The following CEACAM20 variants were observed in gnomAD, a reference collection of about 807,000 sequenced individuals.
CEACAM20 encodes CEA cell adhesion molecule 20, also known as cell adhesion molecule CEACAM20.
A neutral mutation model predicts 61.2 loss-of-function variants in CEACAM20; 50 were observed. The observed-to-expected ratio is 0.82, with a 90% CI of 0.65 to 1.03. The LOEUF is 1.03. Ranked by LOEUF, CEACAM20 falls within the 50% of genes least tolerant of loss-of-function variation. The pLI is 0.00. For missense variants in CEACAM20, 683 were observed against 736.4 expected, an observed-to-expected ratio of 0.93 and a Z score of 0.84; for synonymous variants, 282 against 287.7, an observed-to-expected ratio of 0.98 and a Z score of 0.20.
At position 44,520,657 on chromosome 19, in the gene CEACAM20, C is replaced by T; in HGVS notation, c.847G>A (p.Val283Met). 1 of 1,614,028 alleles carries T rather than the reference C, an allele frequency of 6.2e-7. No individual in the cohort carries two copies. Among genetic ancestry groups the T allele is most frequent in the Non-Finnish European group, 8.5e-7 (1 of 1,179,896 alleles). The change falls in exon 5 of 12, where the codon GTG (valine) becomes ATG (methionine). Residue 283 changes from valine (V) to methionine (M), a missense_variant. Coordinates refer to ENST00000614924, the MANE Select transcript of CEACAM20 (RefSeq NM_001102597.3). ...CCACTTAGGAACCACTGGACATTCA[C>T]ACTCTGATTGACGGTTTGGCAGGTC... Reference protein sequence around the residue: ...DLTCQTVNQSVNVQWFLSGQP... With the variant: ...DLTCQTVNQSMNVQWFLSGQP...
intron 1 of CEACAM20, among the ~76,000 whole-genome samples, chr19:44,527,112 T>C (rs879285609): frequency 2.0e-5 from 3 of 152,156 alleles, no homozygotes; most frequent in Non-Finnish European, 4.4e-5. Context: ...AGCCCTACTA[T>C]CATGGGTAAG....
In CEACAM20 at chr19:44,527,161, A is replaced by T. The variant is rs139075043; in HGVS notation, c.53-1917T>A. Among the ~76,000 whole-genome samples, 418 of 152,308 alleles carry T rather than the reference A, an allele frequency of 2.7e-3. 1 individual carries two copies. The highest frequency in any genetic ancestry group is 9.1e-3 in the African/African-American group (378 of 41,578). On this transcript the variant is annotated intron_variant, in intron 1 of 11. Transcript: ENST00000614924. ...GTGAGCCTCAGTTTCTTCCACTGAAAAATGGAGATAATAGTAGAACTCAGC... is the reference window on the plus strand; with the variant it reads ...GTGAGCCTCAGTTTCTTCCACTGAATAATGGAGATAATAGTAGAACTCAGC...
At chr19:44,526,689 A>G (rs1409441489) in intron 1 of CEACAM20, among the ~76,000 whole-genome samples, 2 of 152,050 alleles carry the variant, frequency 1.3e-5, no homozygotes, top group Non-Finnish European at 2.9e-5. Context: ...CCTGGTCAAC[A>G]TGGTGAAACC....
intron 5 of CEACAM20, among the ~76,000 whole-genome samples, chr19:44,518,144 AAGGAAGGAAGGAAGGAAGGAAGG>A (rs1555743477): frequency 0.036 from 3,600 of 100,944 alleles, 198 homozygotes; most frequent in Non-Finnish European, 0.045. Flanking sequence ...GGAAGGAAGG[AAGGAAGGAAGGAAGGAAGGAAGG>A]AAGAAAGCAG....
At chr19:44,516,800 G>T in intron 6 of CEACAM20, 146 bp downstream of exon 6, 1 of 833,592 alleles carries the variant, frequency 1.2e-6, no homozygotes, top group Non-Finnish European at 1.9e-6. Context: ...TAGGGGTTGG[G>T]ATTCAACAGC....
chr19:44,528,030 G>GTTTCTGAATCTAT (rs1971579179), intron 1 of CEACAM20, among the ~76,000 whole-genome samples: 2 of 151,750 alleles, frequency 1.3e-5, no homozygotes, highest in South Asian at 4.2e-4. Flanking sequence ...CTCTCCCCGC[G>GTTTCTGAATCTAT]TTTCTGAATC....
intron 1 of CEACAM20, 62 bp downstream of exon 1, chr19:44,529,390 ACACACC>A: frequency 8.2e-7 from 1 of 1,223,892 alleles, no homozygotes. Flanking sequence ...ACACACACAC[ACACACC>A]GCTGACAAAT....
At chr19:44,507,574 A>G (rs1266577430) in intron 11 of CEACAM20, among the ~76,000 whole-genome samples, 1 of 152,240 alleles carries the variant, frequency 6.6e-6, no homozygotes, top group Admixed American at 6.5e-5. Context: ...ATAAGAGAGA[A>G]ACAGCTTCTT....
chr19:44,516,412 G>A (rs1408947975), intron 6 of CEACAM20, among the ~76,000 whole-genome samples: 1 of 152,324 alleles, frequency 6.6e-6, no homozygotes, highest in Non-Finnish European at 1.5e-5. Flanking sequence ...CCTGGTGGGA[G>A]ATAATTGAAT....
chr19:44,526,569 A>G (rs1971534902), intron 1 of CEACAM20, among the ~76,000 whole-genome samples: 1 of 151,492 alleles, frequency 6.6e-6, no homozygotes, highest in South Asian at 2.1e-4. Context: ...TCTGCACACC[A>G]CTACGGGGGC....
chr19:44,526,993 G>A (rs1971549933), intron 1 of CEACAM20, among the ~76,000 whole-genome samples: 2 of 152,026 alleles, frequency 1.3e-5, no homozygotes, highest in African/African-American at 2.4e-5. Context: ...CAGACCCTCT[G>A]CACTTCTCAA....
At chr19:44,506,647 G>T (rs1481911758) in intron 11 of CEACAM20, among the ~76,000 whole-genome samples, 2 of 152,230 alleles carry the variant, frequency 1.3e-5, no homozygotes, top group Non-Finnish European at 1.5e-5. Flanking sequence ...AGGGCCACAT[G>T]GCAAAGAACT....
chr19:44,517,254 T>C (rs1971193144), intron 5 of CEACAM20, 30 bp from the exon 6 acceptor site: 7 of 1,592,150 alleles, frequency 4.4e-6, no homozygotes, highest in Non-Finnish European at 6.0e-6. Context: ...TGATGCACCC[T>C]GGCCCCCATC....
intron 6 of CEACAM20, among the ~76,000 whole-genome samples, chr19:44,516,492 A>G (rs192348674): frequency 5.2e-4 from 79 of 152,280 alleles, no homozygotes; most frequent in Middle Eastern, 3.4e-3. Context: ...ATGGTTTTAT[A>G]AAGGGTTTCC....
At chr19:44,528,174 T>TCTTTCTTTC (rs1178035925) in intron 1 of CEACAM20, among the ~76,000 whole-genome samples, 1 of 113,724 alleles carries the variant, frequency 8.8e-6, no homozygotes, top group African/African-American at 3.3e-5. Flanking sequence ...TTCTTTCCTT[T>TCTTTCTTTC]CTTTCTTTCC....
intron 6 of CEACAM20, 143 bp from the exon 7 acceptor site, chr19:44,513,432 T>G: frequency 1.7e-6 from 1 of 579,568 alleles, no homozygotes. Context: ...AGATTGTGGT[T>G]TTTGGTTTTG....
At chr19:44,513,073 C>T in intron 7 of CEACAM20, 99 bp downstream of exon 7, 1 of 1,298,552 alleles carries the variant, frequency 7.7e-7, no homozygotes, top group Non-Finnish European at 1.1e-6. Context: ...TCCCCAGGTG[C>T]CAGACAAGAC....
At chr19:44,508,276 G>T (rs554430000) in intron 11 of CEACAM20, among the ~76,000 whole-genome samples, 32 of 152,290 alleles carry the variant, frequency 2.1e-4, no homozygotes, top group African/African-American at 7.2e-4. Context: ...GAGATCACTT[G>T]CATTCTCTAA....
rs774114562 is a variant in CEACAM20, at chr19:44,524,271, A to T, written c.197-10T>A. ...GAGGGTTTGGCCAGCTCTGAAAGCA[A>T]GCGAGGGAGACAGAGGCAGAGACAC... On this transcript the variant is annotated splice_polypyrimidine_tract_variant and intron_variant, in intron 2 of 11. Coordinates refer to ENST00000614924, the MANE Select transcript of CEACAM20 (RefSeq NM_001102597.3). 6.2e-7 allele frequency: 1 copy of T among 1,607,662 alleles called. No individual in the cohort carries two copies. Among genetic ancestry groups the T allele is most frequent in the Admixed American group, 1.7e-5 (1 of 59,742 alleles).
Sources: allele counts gnomAD v4.1 joint callset (sites outside exome capture counted in the v4.1 genomes callset), GRCh38; gene constraint gnomAD v4.1.1; transcripts MANE v1.5; gene names NCBI Gene and HGNC (gene_info 2026-07-23, HGNC 2026-07-21).